The following DSC2 variants were observed in gnomAD, a reference collection of about 807,000 sequenced individuals.
DSC2 encodes the protein desmocollin 2.
A neutral mutation model predicts 87.6 loss-of-function variants in DSC2; 51 were observed. The ratio of observed to expected loss-of-function variants is 0.58; its 90% confidence interval spans 0.46 to 0.74. The LOEUF (loss-of-function observed/expected upper bound fraction) is 0.74, where lower values mean the gene tolerates loss of function less well. Among genes scored for constraint, DSC2 ranks in the 30% least tolerant of loss-of-function variants. DSC2 has a pLI of 0.00. For synonymous variants in DSC2, 383 were observed against 393.2 expected, an observed-to-expected ratio of 0.97 and a Z score of 0.31; for missense variants, 1,066 against 1,089.5, an observed-to-expected ratio of 0.98 and a Z score of 0.30.
chr18:31,093,236 C>T (rs1987658591), intron 2 of DSC2, among the ~76,000 whole-genome samples: 1 of 152,162 alleles, frequency 6.6e-6, no homozygotes, highest in Admixed American at 6.5e-5. Flanking sequence ...CCTATCAACC[C>T]ATCACCTAGG....
chr18:31,082,052 AT>A (rs1244298686), intron 9 of DSC2, among the ~76,000 whole-genome samples, 185 bp downstream of exon 9: 1 of 151,844 alleles, frequency 6.6e-6, no homozygotes, highest in Admixed American at 6.6e-5. Context: ...AAAAAAAAAA[AT>A]ACCTAAACAA....
chr18:31,071,469 T>A, intron 13 of DSC2, 136 bp downstream of exon 13: 2 of 781,334 alleles, frequency 2.6e-6, no homozygotes, highest in Non-Finnish European at 4.4e-6. Flanking sequence ...ATCACTGGAA[T>A]CCAGAGGCAG....
chr18:31,061,972 A>AG lies in DSC2; in HGVS notation c.*6042dup, dbSNP rs1342942684. ...CCTCTCCCCAGAAAGCAAAACACAT[A>AG]GGTCTGTCCTACATGTCCTACGTGA... is the stretch of plus-strand genomic sequence containing the variant. On this transcript the variant is annotated 3_prime_UTR_variant, in exon 16 of 16. Coordinates refer to ENST00000280904, the MANE Select transcript of DSC2 (RefSeq NM_024422.6). 6.6e-6 allele frequency: 1 copy of AG among 152,182 alleles called. No individual in the cohort carries two copies. Among genetic ancestry groups the AG allele is most frequent in the African/African-American group, 2.4e-5 (1 of 41,442 alleles). 9.4% of individuals were successfully genotyped at this position (152,182 alleles called of 1,614,324 possible). A position where few individuals can be genotyped will look rare whatever the true frequency, so the allele number is the denominator to read the frequency against.
In DSC2 at chr18:31,064,833, A is replaced by G. The variant is rs998503528; in HGVS notation, c.*3182T>C. The G allele has an allele frequency of 6.6e-6, 1 of 152,212 alleles. No individual in the cohort carries two copies. Among genetic ancestry groups the G allele is most frequent in the African/African-American group, 2.4e-5 (1 of 41,466 alleles). The allele number at this position is 152,212 out of a possible 1,614,324, so 9.4% of individuals were successfully genotyped here. On this transcript the variant is annotated 3_prime_UTR_variant, in exon 16 of 16. Coordinates refer to ENST00000280904, the MANE Select transcript of DSC2 (RefSeq NM_024422.6). The stretch of plus-strand genomic sequence containing the variant: ...GAGCAAAGTCAGTTGTCAAGACTTC[A>G]ATCTGGAGTCCAGGAATGGAGATGG...
intron 1 of DSC2, among the ~76,000 whole-genome samples, chr18:31,094,715 C>T (rs1368364975): frequency 3.9e-5 from 6 of 152,020 alleles, no homozygotes; most frequent in Non-Finnish European, 2.9e-5. Flanking sequence ...TTAAATTATC[C>T]AGTTTTAATT....
rs530530359 is a variant in DSC2 at position 31,060,055 on chromosome 18, T to C, written c.*7960A>G. 6.6e-6 allele frequency: 1 copy of C among 152,332 alleles called. No individual in the cohort carries two copies. Among genetic ancestry groups the C allele is most frequent in the East Asian group, 1.9e-4 (1 of 5,186 alleles). 9.4% of individuals were successfully genotyped at this position (152,332 alleles called of 1,614,324 possible). On this transcript the variant is annotated 3_prime_UTR_variant, in exon 16 of 16. Coordinates refer to ENST00000280904, the MANE Select transcript of DSC2 (RefSeq NM_024422.6). ...GATCCACGTCTTTCTGACTGCGAAGTCTGTGTGTGATCATTGTTTCCATTG... is the reference window on the plus strand; with the variant it reads ...GATCCACGTCTTTCTGACTGCGAAGCCTGTGTGTGATCATTGTTTCCATTG...
chr18:31,072,581 C>T (rs959169519), intron 12 of DSC2, among the ~76,000 whole-genome samples: 6 of 151,890 alleles, frequency 4.0e-5, no homozygotes, highest in African/African-American at 1.2e-4. Context: ...AACCTTATTA[C>T]GACAACAGTA....
At chr18:31,098,460 C>T (rs754947018) in intron 1 of DSC2, among the ~76,000 whole-genome samples, 4 of 151,878 alleles carry the variant, frequency 2.6e-5, no homozygotes, top group African/African-American at 4.8e-5. Context: ...CAAAATTAGA[C>T]ACTTTTTTTT....
intron 1 of DSC2, among the ~76,000 whole-genome samples, chr18:31,095,810 T>C (rs1025163908): frequency 1.3e-5 from 2 of 151,682 alleles, no homozygotes; most frequent in Non-Finnish European, 1.5e-5. Context: ...AGAGCAGAGG[T>C]AATAGTGATA....
rs1213937304 is a variant in DSC2 at position 31,062,492 on chromosome 18, G to T, written c.*5523C>A. 1 of 152,086 alleles carries T rather than the reference G, an allele frequency of 6.6e-6. No individual in the cohort carries two copies. Among genetic ancestry groups the T allele is most frequent in the East Asian group, 1.9e-4 (1 of 5,192 alleles). The allele number at this position is 152,086 out of a possible 1,614,324, so 9.4% of individuals were successfully genotyped here. A position where few individuals can be genotyped will look rare whatever the true frequency, so the allele number is the denominator to read the frequency against. On this transcript the variant is annotated 3_prime_UTR_variant, in exon 16 of 16. Transcript: ENST00000280904. ...TTTCACATTGGCTAAAAATTTTCAAGTTGAGAAAAAGAATTCTTTAGGCAA... is the reference window on the plus strand; with the variant it reads ...TTTCACATTGGCTAAAAATTTTCAATTTGAGAAAAAGAATTCTTTAGGCAA...
At chr18:31,101,564 AC>A (rs1212987282) in intron 1 of DSC2, 1 of 228,168 alleles carries the variant, frequency 4.4e-6, no homozygotes, top group Non-Finnish European at 8.4e-6. Context: ...GCGCACTCCG[AC>A]CCCGGCGCAC....
rs1387586684 is a variant in DSC2 at position 31,101,932 on chromosome 18, G to C, written c.40C>G (p.Leu14Val). The C allele has an allele frequency of 6.5e-7, 1 of 1,530,802 alleles. No homozygotes were observed. Among genetic ancestry groups the C allele is most frequent in the South Asian group, 1.2e-5 (1 of 83,032 alleles). 94.8% of individuals were successfully genotyped at this position (1,530,802 alleles called of 1,614,324 possible). ...AGGGTCAGCAGGAGCAGCCGGCAGA[G>C]GGCTCCGTTCCAGGAGCCGGAGGGG... ...ARPSGSWNGA[L>V]CRLLLLTLAI... Residue 14 changes from leucine to valine, a missense_variant, in exon 1 of 16, where the codon CTC becomes GTC. By Grantham distance (32) the Leu-to-Val change is conservative. Transcript: ENST00000280904.
intron 11 of DSC2, among the ~76,000 whole-genome samples, chr18:31,076,235 G>A (rs575423372): frequency 1.3e-5 from 2 of 152,286 alleles, no homozygotes; most frequent in East Asian, 3.9e-4. Context: ...ACTCGTGATA[G>A]AGCCAGCGTC....
intron 7 of DSC2, 107 bp from the exon 8 acceptor site, chr18:31,083,167 A>G (rs1987287151): frequency 8.0e-7 from 1 of 1,250,342 alleles, no homozygotes; most frequent in African/African-American, 1.5e-5. Context: ...TAAGAAGTGC[A>G]TTATTACATT....
intron 11 of DSC2, among the ~76,000 whole-genome samples, chr18:31,075,777 G>T (rs528414029): frequency 6.6e-6 from 1 of 152,242 alleles, no homozygotes; most frequent in South Asian, 2.1e-4. Context: ...TTGAACCCGG[G>T]AGGCGGAGGT....
chr18:31,061,033 A>T lies in DSC2; in HGVS notation c.*6982T>A, dbSNP rs964279895. The T allele has an allele frequency of 1.3e-5, 2 of 152,250 alleles. No individual in the cohort carries two copies. The highest frequency in any genetic ancestry group is 2.4e-5 in the African/African-American group (1 of 41,466). 9.4% of individuals were successfully genotyped at this position (152,250 alleles called of 1,614,324 possible). On this transcript the variant is annotated 3_prime_UTR_variant, in exon 16 of 16. Coordinates refer to ENST00000280904, the MANE Select transcript of DSC2 (RefSeq NM_024422.6). ...TTGTCAAACTTTAGAGTAAGAAAAA[A>T]TGACCTAGAAAATGTATTGAAAAGT...
rs1987139988 is a variant in DSC2 at position 31,079,722 on chromosome 18, T to C, written c.1663+125A>G. ...ATAAATTATAGTAAACCTCTTACTTTATATTATCAAGAGATATGAAAACAG... is the reference window on the plus strand; with the variant it reads ...ATAAATTATAGTAAACCTCTTACTTCATATTATCAAGAGATATGAAAACAG... On this transcript the variant is annotated intron_variant, in intron 11 of 15. Transcript: ENST00000280904. The C allele has an allele frequency of 4.6e-6, 5 of 1,094,956 alleles. No homozygotes were observed. In the East Asian group the frequency reaches 1.2e-4, roughly 27 times the overall value. 67.8% of individuals were successfully genotyped at this position (1,094,956 alleles called of 1,614,324 possible).
rs374810953 is a variant in DSC2 at position 31,079,996 on chromosome 18, G to A, written c.1521-7C>T. 2.2e-4 allele frequency: 359 copies of A among 1,612,542 alleles called. 1 individual carries two copies. The highest frequency in any genetic ancestry group is 2.9e-4 in the Non-Finnish European group (343 of 1,179,246). On this transcript the variant is annotated splice_polypyrimidine_tract_variant and splice_region_variant and intron_variant, in intron 10 of 15. Transcript: ENST00000280904. ...ATCAGTTAATTTCTTATACCTGTTG[G>A]TAATGATGAATTAAAATAATAAAAT...
intron 15 of DSC2, 81 bp downstream of exon 15, chr18:31,068,813 A>G (rs1986717139): frequency 6.5e-7 from 1 of 1,539,534 alleles, no homozygotes; most frequent in Non-Finnish European, 8.9e-7. Flanking sequence ...TTAATTGAAA[A>G]TTATAGTCAG....
Sources: allele counts gnomAD v4.1 joint callset (sites outside exome capture counted in the v4.1 genomes callset), GRCh38; gene constraint gnomAD v4.1.1; transcripts MANE v1.5; gene names NCBI Gene and HGNC (gene_info 2026-07-23, HGNC 2026-07-21).